The following SNAPC3 variants were observed in gnomAD, a reference collection of about 807,000 sequenced individuals.
SNAPC3 encodes small nuclear RNA activating complex polypeptide 3.
Under a neutral mutation model 47.7 loss-of-function variants are expected in SNAPC3, and 56 were observed. The observed-to-expected ratio is 1.18, with a 90% CI of 0.95 to 1.47. The LOEUF is 1.47. Among genes scored for constraint, SNAPC3 ranks in the 40% most tolerant of loss-of-function variants. The pLI, the probability that SNAPC3 is intolerant of heterozygous loss-of-function variation, is 0.00. For missense variants in SNAPC3, 665 were observed against 511.3 expected (o/e 1.30, Z -2.90); for synonymous variants, 235 against 189.9 (o/e 1.24, Z -1.95).
In SNAPC3 at chr9:15,422,928, A is replaced by C. The variant is rs752986641; in HGVS notation, c.49A>C (p.Arg17=). The change falls in exon 1 of 9, where the codon AGG becomes CGG. Residue 17 remains arginine (R), a synonymous_variant. Transcript: ENST00000380821. Reference sequence around the variant, plus strand: ...CCCTACGTGTAGCGGGGTGGGTGGCAGGCAGGACCCAGTCTCCGGCAGTGG... The same window carrying C: ...CCCTACGTGTAGCGGGGTGGGTGGCCGGCAGGACCCAGTCTCCGGCAGTGG... ...GGPTCSGVGG[R]QDPVSGSGGC... is the part of the protein sequence containing the mutation. 3 of 1,537,358 alleles carry C rather than the reference A, an allele frequency of 2.0e-6. No individual in the cohort carries two copies. Among genetic ancestry groups the C allele is most frequent in the Non-Finnish European group, 2.6e-6 (3 of 1,144,100 alleles).
At chr9:15,448,102 C>T (rs914139227) in intron 5 of SNAPC3, among the ~76,000 whole-genome samples, 2 of 152,104 alleles carry the variant, frequency 1.3e-5, no homozygotes, top group Non-Finnish European at 2.9e-5. Flanking sequence ...ATAGCATCTC[C>T]TAGAGATAAG....
rs964071015 is a variant in SNAPC3, at chr9:15,460,902, A to G, written c.*1036A>G. 8 of 152,304 alleles carry G rather than the reference A, an allele frequency of 5.3e-5. No individual in the cohort carries two copies. The highest frequency in any genetic ancestry group is 1.9e-4 in the East Asian group (1 of 5,180). 9.4% of individuals were successfully genotyped at this position (152,304 alleles called of 1,614,324 possible). A position where few individuals can be genotyped will look rare whatever the true frequency, so the allele number is the denominator to read the frequency against. On this transcript the variant is annotated 3_prime_UTR_variant, in exon 9 of 9. Transcript: ENST00000380821. ...AATGTTATGAGTTTAAAATATGTCA[A>G]TTTAATACTATGATTTAAAAAACAA... is the stretch of plus-strand genomic sequence containing the variant.
At position 15,453,141 on chromosome 9, in the gene SNAPC3, G is replaced by C. The variant is rs1191757818; in HGVS notation, c.916G>C (p.Gly306Arg). Reference protein sequence around the residue: ...FTFNDLCIKLGFPYLYCHQGD... With the variant: ...FTFNDLCIKLRFPYLYCHQGD... ...CTTCAATGACTTGTGTATTAAACTG[G>C]GTTTTCCTTACTTATACTGTCATCA... The change falls in exon 7 of 9, where the codon GGT becomes CGT. Residue 306 changes from glycine (G) to arginine (R), a missense_variant. Physicochemically the swap from Gly to Arg is moderately radical, Grantham distance 125 (BLOSUM62 -2). Transcript: ENST00000380821. 2 of 1,613,378 alleles carry C rather than the reference G, an allele frequency of 1.2e-6. No homozygotes were observed. Among genetic ancestry groups the C allele is most frequent in the Admixed American group, 1.7e-5 (1 of 60,014 alleles).
chr9:15,444,997 G>T (rs528926013), intron 4 of SNAPC3, among the ~76,000 whole-genome samples: 4 of 152,200 alleles, frequency 2.6e-5, no homozygotes, highest in Non-Finnish European at 5.9e-5. Context: ...GGAGGCTGAG[G>T]TGGGGAGATC....
At chr9:15,427,740 C>A (rs1190803104) in intron 2 of SNAPC3, among the ~76,000 whole-genome samples, 1 of 152,152 alleles carries the variant, frequency 6.6e-6, no homozygotes, top group Non-Finnish European at 1.5e-5. Context: ...TTTACAGGTC[C>A]AGGATGTACT....
chr9:15,423,928 C>T lies in SNAPC3; in HGVS notation c.334C>T (p.Leu112Phe). The T allele has an allele frequency of 6.3e-7, 1 of 1,580,514 alleles. No homozygotes were observed. Among genetic ancestry groups the T allele is most frequent in the South Asian group, 1.2e-5 (1 of 85,392 alleles). The change falls in exon 2 of 9, where the codon CTT (leucine) becomes TTT (phenylalanine). Residue 112 changes from leucine to phenylalanine, a missense_variant. Physicochemically the swap from Leu to Phe is conservative, Grantham distance 22. Transcript: ENST00000380821. ...TTTTAGCCTTGATAAACTGAAATGC[C>T]TTGAGGACGGTGAGGATCCAGAAGT... ...AVCGLDKLKC[L>F]EDGEDPEVIP... is the part of the protein sequence containing the mutation.
intron 3 of SNAPC3, among the ~76,000 whole-genome samples, chr9:15,437,051 C>A (rs2032884983): frequency 6.6e-6 from 1 of 151,964 alleles, no homozygotes; most frequent in Non-Finnish European, 1.5e-5. Context: ...TCTCCAACTC[C>A]CAGCCTCAGG....
At chr9:15,431,210 G>C (rs1229769481) in intron 2 of SNAPC3, among the ~76,000 whole-genome samples, 5 of 152,112 alleles carry the variant, frequency 3.3e-5, no homozygotes, top group Non-Finnish European at 7.4e-5. Context: ...CCCCTGAACA[G>C]GTTTTCCTAG....
chr9:15,459,856 C>A lies in SNAPC3; in HGVS notation c.1226C>A (p.Thr409Asn). The A allele has an allele frequency of 6.2e-7, 1 of 1,612,292 alleles. No individual in the cohort carries two copies. The highest frequency in any genetic ancestry group is 8.5e-7 in the Non-Finnish European group (1 of 1,179,192). The part of the protein sequence containing the change: ...FLAYPYVDPG[T>N]FN ...GCTTATCCTTATGTTGATCCTGGAA[C>A]CTTTAATTAAGAATAGCTACACTCA... Residue 409 changes from threonine (T) to asparagine (N), a missense_variant, in exon 9 of 9, where the codon ACC (threonine) becomes AAC (asparagine). By Grantham distance (65) the Thr-to-Asn change is moderately conservative. Coordinates refer to ENST00000380821, the MANE Select transcript of SNAPC3 (RefSeq NM_001039697.2).
intron 2 of SNAPC3, among the ~76,000 whole-genome samples, chr9:15,433,069 CA>C (rs1453874745): frequency 6.6e-6 from 1 of 151,880 alleles, no homozygotes; most frequent in East Asian, 1.9e-4. Context: ...GTATTCTTAC[CA>C]AAATGCTAAA....
chr9:15,459,570 A>G (rs1228960481), intron 8 of SNAPC3, 149 bp from the exon 9 acceptor site: 3 of 609,996 alleles, frequency 4.9e-6, no homozygotes, highest in Non-Finnish European at 8.5e-6. Context: ...ATTTGTATCT[A>G]TGTATACAAA....
chr9:15,424,276 T>C (rs894935257), intron 2 of SNAPC3, among the ~76,000 whole-genome samples: 2 of 152,224 alleles, frequency 1.3e-5, no homozygotes, highest in Non-Finnish European at 2.9e-5. Flanking sequence ...TGTGGTATTA[T>C]TATACCTAAG....
At chr9:15,454,410 A>G (rs1185186608) in intron 7 of SNAPC3, among the ~76,000 whole-genome samples, 1 of 152,214 alleles carries the variant, frequency 6.6e-6, no homozygotes, top group African/African-American at 2.4e-5. Context: ...AAGACATGGA[A>G]TGCAACACAG....
At chr9:15,465,670 C>A (rs764854679), downstream of SNAPC3, 2 of 1,128,152 alleles carry the variant, frequency 1.8e-6, no homozygotes, top group Non-Finnish European at 2.5e-6. Flanking sequence ...TATTTTTAAA[C>A]CCATGAAAAG....
intron 5 of SNAPC3, 79 bp from the exon 6 acceptor site, chr9:15,451,241 C>G: frequency 3.8e-6 from 2 of 526,832 alleles, no homozygotes; most frequent in Non-Finnish European, 6.6e-6. Flanking sequence ...TATGATATAT[C>G]TATTTTGAAT....
intron 1 of SNAPC3, 108 bp downstream of exon 1, chr9:15,423,301 T>A: frequency 8.5e-7 from 1 of 1,169,636 alleles, no homozygotes; most frequent in Non-Finnish European, 1.2e-6. Context: ...GGTTTAGACC[T>A]GGGCTAGGAG....
intron 8 of SNAPC3, 145 bp downstream of exon 8, chr9:15,458,212 A>G (rs1420828034): frequency 1.1e-5 from 6 of 530,760 alleles, no homozygotes; most frequent in Non-Finnish European, 9.8e-6. Flanking sequence ...CAGAAAATCA[A>G]TTTAGTGAGT....
At position 15,459,790 on chromosome 9, in the gene SNAPC3, T is replaced by A. The variant is rs1484653290; in HGVS notation, c.1160T>A (p.Leu387Gln). 1 of 1,613,758 alleles carries A rather than the reference T, an allele frequency of 6.2e-7. No homozygotes were observed. Among genetic ancestry groups the A allele is most frequent in the East Asian group, 2.2e-5 (1 of 44,866 alleles). Residue 387 changes from leucine to glutamine, a missense_variant, in exon 9 of 9, where the codon CTG becomes CAG. Transcript: ENST00000380821. Reference sequence around the variant, plus strand: ...TTTTGTGATGTTTGCTTCCGAATGCTGCACTATGATTCAGAAGGCAACAAA... The same window carrying A: ...TTTTGTGATGTTTGCTTCCGAATGCAGCACTATGATTCAGAAGGCAACAAA... ...CFFCDVCFRMLHYDSEGNKLG... is the reference protein window; with the variant it reads ...CFFCDVCFRMQHYDSEGNKLG...
chr9:15,451,328 C>G lies in SNAPC3; in HGVS notation c.741C>G (p.Tyr247Ter). The change falls in exon 6 of 9, where the codon TAC becomes TAG. Residue 247 changes from tyrosine (Y) to a stop codon, truncating the protein, a stop_gained. Coordinates refer to ENST00000380821, the MANE Select transcript of SNAPC3 (RefSeq NM_001039697.2). LOFTEE classifies it high-confidence loss of function. ...AATCTGTTTTCTTGTAGGACCTATA[C>G]AAATCAGCCTTCTTTTATTTTGAAG... ...QAPEHISKDLYKSAFFYFEGT... is the reference protein window; with the variant it reads ...QAPEHISKDL The G allele has an allele frequency of 7.0e-7, 1 of 1,438,358 alleles. No homozygotes were observed. The highest frequency in any genetic ancestry group is 9.6e-7 in the Non-Finnish European group (1 of 1,036,696). 89.1% of individuals were successfully genotyped at this position (1,438,358 alleles called of 1,614,324 possible). A position where few individuals can be genotyped will look rare whatever the true frequency, so the allele number is the denominator to read the frequency against.
Sources: allele counts gnomAD v4.1 joint callset (sites outside exome capture counted in the v4.1 genomes callset), GRCh38; gene constraint gnomAD v4.1.1; transcripts MANE v1.5; gene names NCBI Gene and HGNC (gene_info 2026-07-23, HGNC 2026-07-21).